Variants in GRIP2 observed in about 807,000 individuals in gnomAD.
The protein encoded by GRIP2 is glutamate receptor-interacting protein 2.
In GRIP2, 58 loss-of-function variants were observed where a neutral mutation model predicts 108.3. That is an observed-to-expected ratio of 0.54 (90% CI 0.43 to 0.67). The LOEUF is 0.67. Among genes scored for constraint, GRIP2 ranks in the 30% least tolerant of loss-of-function variants. The pLI is 0.00. For synonymous variants in GRIP2, 586 were observed against 598.2 expected (o/e 0.98, Z 0.30); for missense variants, 1,278 against 1,430.6 (o/e 0.89, Z 1.72).
At chr3:14,533,564 C>T (rs1459361272) in intron 1 of GRIP2, among the ~76,000 whole-genome samples, 1 of 152,162 alleles carries the variant, frequency 6.6e-6, no homozygotes, top group Non-Finnish European at 1.5e-5. Context: ...GGAGGAACAA[C>T]GGCACCCCCA....
upstream of GRIP2, among the ~76,000 whole-genome samples, chr3:14,558,730 T>A (rs1695271989): frequency 6.6e-6 from 1 of 152,026 alleles, no homozygotes; most frequent in Non-Finnish European, 1.5e-5. Context: ...GGCCCAGCTC[T>A]GGGTCTCTGT....
At chr3:14,590,278 C>T in the GRIP2 span, among the ~76,000 whole-genome samples, 3 of 152,140 alleles carry the variant, frequency 2.0e-5, no homozygotes, top group Non-Finnish European at 4.4e-5. Flanking sequence ...CTCCTGGACG[C>T]TTACTTTTCT....
chr3:14,512,801 C>A lies in GRIP2; in HGVS notation c.1696G>T (p.Val566Leu). ...FHVKLPKKRS[V>L]ELGITISSAS... ...CAGCTGATGGTGATGCCCAGCTCCA[C>A]GCTGCGCTTCTTGGGCAGCTTCACG... Residue 566 changes from valine to leucine, a missense_variant, in exon 14 of 24, where the codon GTG becomes TTG. Physicochemically the swap from Val to Leu is conservative, Grantham distance 32. Transcript: ENST00000621039. The surrounding 1 kb of genome is among the most constrained non-coding windows in gnomAD (Gnocchi z 5.1). The A allele has an allele frequency of 3.1e-6, 5 of 1,613,674 alleles. No individual in the cohort carries two copies. Among genetic ancestry groups the A allele is most frequent in the Non-Finnish European group, 4.2e-6 (5 of 1,179,870 alleles).
the GRIP2 span, among the ~76,000 whole-genome samples, chr3:14,583,752 A>C: frequency 1.3e-5 from 2 of 152,186 alleles, no homozygotes; most frequent in Non-Finnish European, 2.9e-5. Context: ...GGAGTGGTAC[A>C]AGTGAGATAT....
chr3:14,525,362 A>C, intron 3 of GRIP2, 75 bp downstream of exon 3: 6 of 1,558,136 alleles, frequency 3.9e-6, no homozygotes, highest in South Asian at 1.2e-5. Flanking sequence ...CCTTCAGTAC[A>C]TTTTCCACTG....
At position 14,522,811 on chromosome 3, in the gene GRIP2, G is replaced by T. The variant is rs1182557884; in HGVS notation, c.566+189C>A. ...GTATGTTGGGGAAGAAAGGGCTCGAGGTTTCCCTCATTTGGGGTTACATCC... is the reference window on the plus strand; with the variant it reads ...GTATGTTGGGGAAGAAAGGGCTCGATGTTTCCCTCATTTGGGGTTACATCC... On this transcript the variant is annotated intron_variant, in intron 6 of 23. Transcript: ENST00000621039. The surrounding 1 kb of genome is among the most constrained non-coding windows in gnomAD (Gnocchi z 4.3). 1.7e-6 allele frequency: 1 copy of T among 590,818 alleles called. No homozygotes were observed. Among genetic ancestry groups the T allele is most frequent in the Non-Finnish European group, 3.1e-6 (1 of 323,676 alleles). The allele number at this position is 590,818 out of a possible 1,614,324, so 36.6% of individuals were successfully genotyped here.
the GRIP2 span, among the ~76,000 whole-genome samples, chr3:14,586,517 A>G: frequency 2.0e-5 from 3 of 152,178 alleles, no homozygotes; most frequent in Admixed American, 1.3e-4. Context: ...CCTCCCCCGG[A>G]GGCTGGTTCC....
the GRIP2 span, among the ~76,000 whole-genome samples, chr3:14,567,386 C>A: frequency 1.7e-3 from 262 of 152,302 alleles, 1 homozygote; most frequent in African/African-American, 5.8e-3. Flanking sequence ...CTCATGCCCT[C>A]CCTGGGGACC....
At chr3:14,514,191 A>C in intron 12 of GRIP2, 101 bp downstream of exon 12, 3 of 1,100,942 alleles carry the variant, frequency 2.7e-6, no homozygotes, top group East Asian at 2.6e-5. Flanking sequence ...GGGCTGATGC[A>C]ATGGTTAAGT....
chr3:14,545,231 T>C (rs1467537614), upstream of GRIP2, among the ~76,000 whole-genome samples: 1 of 152,146 alleles, frequency 6.6e-6, no homozygotes, highest in Non-Finnish European at 1.5e-5. Context: ...ATTTTCTCAT[T>C]TCATCCCAGG....
the GRIP2 span, among the ~76,000 whole-genome samples, chr3:14,592,128 C>T: frequency 6.6e-6 from 1 of 152,270 alleles, no homozygotes. Context: ...AGCAGCTCCA[C>T]ATAGAGGGGC....
chr3:14,571,190 GTGTC>G, the GRIP2 span, among the ~76,000 whole-genome samples: 3 of 152,214 alleles, frequency 2.0e-5, no homozygotes, highest in African/African-American at 7.2e-5. Flanking sequence ...GTCTAGGAGA[GTGTC>G]TGTACGTGCA....
chr3:14,529,278 CAA>C (rs78828207), intron 1 of GRIP2, among the ~76,000 whole-genome samples: 323 of 110,952 alleles, frequency 2.9e-3, no homozygotes, highest in African/African-American at 0.011. Flanking sequence ...GACTCCGTCT[CAA>C]AAAAAAAAAA....
intron 21 of GRIP2, 65 bp downstream of exon 21, chr3:14,503,501 T>C: frequency 8.8e-7 from 1 of 1,132,138 alleles, no homozygotes; most frequent in Non-Finnish European, 1.3e-6. Flanking sequence ...TTCCTCCCAT[T>C]GCACACACAC....
the GRIP2 span, among the ~76,000 whole-genome samples, chr3:14,597,260 T>C: frequency 2.0e-3 from 304 of 152,256 alleles, 3 homozygotes; most frequent in African/African-American, 7.1e-3. Context: ...ACATCTCTGA[T>C]CAGTGGTGGA....
At position 14,517,250 on chromosome 3, in the gene GRIP2, C is replaced by T. The variant is rs561524237; in HGVS notation, c.1157-37G>A. ...AGAGCACAGCCCCGTGAACCCCAGC[C>T]GAGGCTCTCCACCCCACCACACAGT... On this transcript the variant is annotated intron_variant, in intron 10 of 23. Transcript: ENST00000621039. The T allele has an allele frequency of 8.4e-5, 126 of 1,491,662 alleles. No homozygotes were observed. In the East Asian group the frequency reaches 2.6e-3, roughly 30 times the overall value. 92.4% of individuals were successfully genotyped at this position (1,491,662 alleles called of 1,614,324 possible).
intron 1 of GRIP2, among the ~76,000 whole-genome samples, chr3:14,549,427 G>A (rs998246396): frequency 1.3e-5 from 2 of 152,218 alleles, no homozygotes; most frequent in African/African-American, 4.8e-5. Flanking sequence ...GCCCTGGCAG[G>A]AGAGGCCACA....
At chr3:14,503,708 A>T in intron 20 of GRIP2, 37 bp from the exon 21 acceptor site, 3 of 136,028 alleles carry the variant, frequency 2.2e-5, no homozygotes, top group Non-Finnish European at 4.5e-5. Flanking sequence ...AACTCCTGGC[A>T]GGCGGGTGGG....
rs1477845243 is a variant in GRIP2 at position 14,492,571 on chromosome 3, A to C, written c.*1094T>G. The C allele has an allele frequency of 6.6e-6, 1 of 152,280 alleles. No homozygotes were observed. Among genetic ancestry groups the C allele is most frequent in the Non-Finnish European group, 1.5e-5 (1 of 68,070 alleles). The allele number at this position is 152,280 out of a possible 1,614,324, so 9.4% of individuals were successfully genotyped here. On this transcript the variant is annotated 3_prime_UTR_variant, in exon 24 of 24. Coordinates refer to ENST00000621039, the MANE Select transcript of GRIP2 (RefSeq NM_001080423.4). Reference sequence around the variant, plus strand: ...CTTTGGACACCCTCCACTGGGCAAGAGTGTCCCATCTTTTTCTCTGGCCCA... The same window carrying C: ...CTTTGGACACCCTCCACTGGGCAAGCGTGTCCCATCTTTTTCTCTGGCCCA...
Sources: gnomAD v4.1 joint callset for allele counts (sites outside exome capture counted in the v4.1 genomes callset) on GRCh38, gnomAD v4.1.1 for gene constraint, Gnocchi (gnomAD v3.1) non-coding constraint, MANE v1.5 for transcripts, NCBI Gene and HGNC (gene_info 2026-07-23, HGNC 2026-07-21) for gene names.